Variants in MROH1 observed in about 807,000 individuals in gnomAD.
MROH1 encodes maestro heat-like repeat-containing protein family member 1.
In MROH1, 117 loss-of-function variants were observed where a neutral mutation model predicts 116.5. The observed-to-expected ratio is 1.00, with a 90% CI of 0.86 to 1.17. The LOEUF (loss-of-function observed/expected upper bound fraction) is 1.17. Ranked by LOEUF, MROH1 falls within the 50% of genes most tolerant of loss-of-function variation. MROH1 has a pLI of 0.00. For missense variants in MROH1, 1,873 were observed against 1,338.5 expected (o/e 1.40, Z -6.23); for synonymous variants, 921 against 583.9 (o/e 1.58, Z -8.32).
At chr8:144,178,789 G>A (rs779244791) in intron 4 of MROH1, among the ~76,000 whole-genome samples, 17 of 152,200 alleles carry the variant, frequency 1.1e-4, no homozygotes, top group Non-Finnish European at 1.8e-4. Context: ...CTACTCTGCT[G>A]TGTGCCCCCG....
At chr8:144,252,573 CAGG>C (rs1477888073) in intron 33 of MROH1, 3 of 151,714 alleles carry the variant, frequency 2.0e-5, no homozygotes, top group Non-Finnish European at 2.9e-5. Flanking sequence ...GAGGCTGAGG[CAGG>C]AGAATGGTGT....
intron 35 of MROH1, among the ~76,000 whole-genome samples, chr8:144,256,765 C>G (rs928944335): frequency 1.3e-5 from 2 of 152,256 alleles, no homozygotes; most frequent in Non-Finnish European, 2.9e-5. Flanking sequence ...GGCACACAAA[C>G]AAGGGAGGCA....
chr8:144,231,347 G>C (rs930834691), intron 14 of MROH1, among the ~76,000 whole-genome samples: 23 of 152,206 alleles, frequency 1.5e-4, no homozygotes, highest in African/African-American at 5.5e-4. Context: ...CGGGGTGGTG[G>C]CCGGGCAGAG....
intron 14 of MROH1, among the ~76,000 whole-genome samples, chr8:144,227,641 T>TCA (rs1256138300): frequency 3.4e-5 from 5 of 147,302 alleles, no homozygotes; most frequent in South Asian, 4.3e-4. Flanking sequence ...TGAGACCCTG[T>TCA]CACACACACA....
chr8:144,260,124 CCT>C (rs1215783264), intron 38 of MROH1, 60 bp from the exon 39 acceptor site: 6 of 753,122 alleles, frequency 8.0e-6, no homozygotes, highest in Admixed American at 1.7e-5. Context: ...TGGAGGCCAC[CCT>C]GTCTTGTGGG....
intron 12 of MROH1, among the ~76,000 whole-genome samples, chr8:144,207,019 C>T (rs1036680537): frequency 3.3e-5 from 5 of 149,322 alleles, no homozygotes; most frequent in African/African-American, 7.4e-5. Context: ...GGCGACAGAG[C>T]GAGATTCTGT....
chr8:144,158,325 A>G (rs931319060), intron 1 of MROH1, among the ~76,000 whole-genome samples: 25 of 151,596 alleles, frequency 1.6e-4, no homozygotes, highest in Non-Finnish European at 4.4e-5. Context: ...ATGGGGTTTC[A>G]CTGTGTTGGT....
rs1827353184 is a variant in MROH1, at chr8:144,186,980, C to T, written c.563-3804C>T. Among the ~76,000 whole-genome samples the T allele has an allele frequency of 4.6e-5, 7 of 152,156 alleles. 1 individual carries two copies. In the South Asian group the frequency reaches 1.5e-3, roughly 32 times the overall value. On this transcript the variant is annotated intron_variant, in intron 7 of 43. Coordinates refer to ENST00000326134, the MANE Select transcript of MROH1 (RefSeq NM_032450.3). Reference sequence around the variant, plus strand: ...GGGTGTGGCAGTGTGTGCCTATAGTCCCAGCTACTCAGGAGGCTGAGGCAG... The same window carrying T: ...GGGTGTGGCAGTGTGTGCCTATAGTTCCAGCTACTCAGGAGGCTGAGGCAG...
At position 144,243,484 on chromosome 8, in the gene MROH1, G is replaced by A. The variant is rs1046120740; in HGVS notation, c.2353-10G>A. On this transcript the variant is annotated splice_polypyrimidine_tract_variant and intron_variant, in intron 24 of 43. Coordinates refer to ENST00000326134, the MANE Select transcript of MROH1 (RefSeq NM_032450.3). The stretch of plus-strand genomic sequence containing the variant: ...GCGTGGGCGTCTCCTGTAGCCCTGC[G>A]TCCCTGCAGGACCCAGCCCTGAAGC... 3.5e-3 allele frequency: 2,688 copies of A among 779,054 alleles called. 37 individuals carry two copies. In the African/African-American group the frequency reaches 0.038, roughly 11 times the overall value. 48.3% of individuals were successfully genotyped at this position (779,054 alleles called of 1,614,324 possible).
intron 10 of MROH1, among the ~76,000 whole-genome samples, chr8:144,198,731 G>A (rs1830465134): frequency 6.6e-6 from 1 of 152,196 alleles, no homozygotes. Context: ...CATGCCTGGG[G>A]CATGGGAGAC....
At chr8:144,189,126 A>T (rs977473949) in intron 7 of MROH1, among the ~76,000 whole-genome samples, 1 of 152,222 alleles carries the variant, frequency 6.6e-6, no homozygotes, top group African/African-American at 2.4e-5. Flanking sequence ...GCAGCGAGCT[A>T]TTGGGATTGG....
rs2132918082 is a variant in MROH1, at chr8:144,241,408, G to A, written c.2069G>A (p.Cys690Tyr). 1.3e-6 allele frequency: 1 copy of A among 778,074 alleles called. No homozygotes were observed. The highest frequency in any genetic ancestry group is 2.4e-6 in the Non-Finnish European group (1 of 417,518). 48.2% of individuals were successfully genotyped at this position (778,074 alleles called of 1,614,324 possible). A position where few individuals can be genotyped will look rare whatever the true frequency, so the allele number is the denominator to read the frequency against. The change falls in exon 22 of 44, where the codon TGC (cysteine) becomes TAC (tyrosine). Residue 690 changes from cysteine (C) to tyrosine (Y), a missense_variant. Physicochemically the swap from Cys to Tyr is radical, Grantham distance 194. Coordinates refer to ENST00000326134, the MANE Select transcript of MROH1 (RefSeq NM_032450.3). ...GCTGCCCCCCAGGGCCTCGCCTGCTGCTTCGGGATCTGTGCCATCTCCCAC... is the reference window on the plus strand; with the variant it reads ...GCTGCCCCCCAGGGCCTCGCCTGCTACTTCGGGATCTGTGCCATCTCCCAC... ...EEAEREGLAC[C>Y]FGICAISHLE...
chr8:144,227,423 C>T (rs1035696252), intron 14 of MROH1, among the ~76,000 whole-genome samples: 1 of 151,918 alleles, frequency 6.6e-6, no homozygotes, highest in Non-Finnish European at 1.5e-5. Flanking sequence ...ATCATTCAAT[C>T]TCCTTGAGTT....
At chr8:144,165,545 T>G (rs1430781054) in intron 3 of MROH1, among the ~76,000 whole-genome samples, 1 of 152,146 alleles carries the variant, frequency 6.6e-6, no homozygotes, top group African/African-American at 2.4e-5. Context: ...ACTGGGACTA[T>G]AGCGTGAGCC....
intron 12 of MROH1, chr8:144,213,975 A>G (rs912274514): frequency 6.6e-6 from 1 of 152,056 alleles, no homozygotes; most frequent in African/African-American, 2.4e-5. Flanking sequence ...CTGATGTCCA[A>G]AAGATGTTCT....
intron 10 of MROH1, among the ~76,000 whole-genome samples, chr8:144,196,878 G>A (rs1830024842): frequency 6.6e-6 from 1 of 150,712 alleles, no homozygotes; most frequent in Non-Finnish European, 1.5e-5. Flanking sequence ...GGTGGACCAC[G>A]AGGTCAGGAG....
chr8:144,172,424 TC>T (rs1236238811), intron 4 of MROH1, among the ~76,000 whole-genome samples: 3 of 151,344 alleles, frequency 2.0e-5, no homozygotes, highest in South Asian at 2.1e-4. Context: ...TTTTTTTTTT[TC>T]CCCCGAGAGG....
intron 28 of MROH1, among the ~76,000 whole-genome samples, chr8:144,244,944 G>C (rs1025503104): frequency 6.6e-6 from 1 of 152,200 alleles, no homozygotes; most frequent in Non-Finnish European, 1.5e-5. Flanking sequence ...ACCTGGGCTG[G>C]GTTGTGTCTG....
rs1439727781 is a variant in MROH1 at position 144,220,612 on chromosome 8, A to C, written c.1154A>C (p.Glu385Ala). Reference protein sequence around the residue: ...HVINSAAAQMEDKKPFILSSM... With the variant: ...HVINSAAAQMADKKPFILSSM... ...TTGTTTCTTGCAGCTGCTCAGATGG[A>C]AGATAAAAAGCCCTTTATCCTGTCT... The change falls in exon 13 of 44, where the codon GAA becomes GCA. Residue 385 changes from glutamate (E) to alanine (A), a missense_variant. By Grantham distance (107) the Glu-to-Ala change is moderately radical. Transcript: ENST00000326134. 1 of 1,575,666 alleles carries C rather than the reference A, an allele frequency of 6.3e-7. No individual in the cohort carries two copies. The highest frequency in any genetic ancestry group is 1.2e-5 in the South Asian group (1 of 85,822).
Sources: allele counts gnomAD v4.1 joint callset (sites outside exome capture counted in the v4.1 genomes callset), GRCh38; gene constraint gnomAD v4.1.1; transcripts MANE v1.5; gene names NCBI Gene and HGNC (gene_info 2026-07-23, HGNC 2026-07-21).